The following NPR3 variants were observed in gnomAD, a reference collection of about 807,000 sequenced individuals.
NPR3 encodes natriuretic peptide receptor 3.
In NPR3, 34 loss-of-function variants were observed where a neutral mutation model predicts 54.5. That is an observed-to-expected ratio of 0.62 (90% CI 0.47 to 0.83). The LOEUF (loss-of-function observed/expected upper bound fraction) is 0.83, where lower values mean the gene tolerates loss of function less well. Among genes scored for constraint, NPR3 ranks in the 40% least tolerant of loss-of-function variants. The pLI is 0.00. For missense variants in NPR3, 674 were observed against 720.8 expected (o/e 0.94, Z 0.74); for synonymous variants, 289 against 297.1 (o/e 0.97, Z 0.28).
intron 1 of NPR3, among the ~76,000 whole-genome samples, chr5:32,719,762 T>A (rs1738747990): frequency 6.6e-6 from 1 of 151,192 alleles, no homozygotes; most frequent in Non-Finnish European, 1.5e-5. Context: ...TTTTCTTACC[T>A]TCTATTTACC....
chr5:32,711,844 G>A lies in NPR3; in HGVS notation c.68G>A (p.Gly23Asp). The A allele has an allele frequency of 6.8e-7, 1 of 1,461,888 alleles. No homozygotes were observed. Among genetic ancestry groups the A allele is most frequent in the Non-Finnish European group, 9.0e-7 (1 of 1,108,738 alleles). The allele number at this position is 1,461,888 out of a possible 1,614,324, so 90.6% of individuals were successfully genotyped here. ...CTCGGCTGGGCGTTGCTGGCCGGCG[G>A]CACCGGTGGCGGTGGCGTTGGCGGC... The part of the protein sequence containing the change: ...VLLGWALLAG[G>D]TGGGGVGGGG... Residue 23 changes from glycine (G) to aspartate (D), a missense_variant, in exon 1 of 8, where the codon GGC becomes GAC. Transcript: ENST00000265074.
chr5:32,775,059 T>A (rs1316631702), intron 4 of NPR3, among the ~76,000 whole-genome samples: 1 of 152,202 alleles, frequency 6.6e-6, no homozygotes, highest in African/African-American at 2.4e-5. Flanking sequence ...AGGCCTTGTC[T>A]CCTGATTATT....
chr5:32,714,343 C>T (rs1192232304), intron 1 of NPR3, among the ~76,000 whole-genome samples: 5 of 151,970 alleles, frequency 3.3e-5, no homozygotes, highest in Admixed American at 6.5e-5. Flanking sequence ...CGGGGCCCCT[C>T]GCCCTCACAG....
chr5:32,784,379 G>A (rs897740218), intron 6 of NPR3, among the ~76,000 whole-genome samples: 1 of 152,138 alleles, frequency 6.6e-6, no homozygotes, highest in African/African-American at 2.4e-5. Flanking sequence ...AGTAGAGATA[G>A]GGTTTCACCA....
At chr5:32,722,445 T>G (rs961687721) in intron 1 of NPR3, among the ~76,000 whole-genome samples, 15 of 152,226 alleles carry the variant, frequency 9.9e-5, no homozygotes, top group African/African-American at 3.4e-4. Flanking sequence ...TCATTGAATT[T>G]AAACAGTATG....
At chr5:32,748,479 T>C (rs1740415176) in intron 3 of NPR3, among the ~76,000 whole-genome samples, 1 of 152,200 alleles carries the variant, frequency 6.6e-6, no homozygotes, top group Non-Finnish European at 1.5e-5. Flanking sequence ...GAGGTAGTTT[T>C]CCTAAGACTC....
chr5:32,768,572 G>A (rs1031471064), intron 3 of NPR3, among the ~76,000 whole-genome samples: 2 of 152,098 alleles, frequency 1.3e-5, no homozygotes, highest in African/African-American at 4.8e-5. Flanking sequence ...TCTGGATTCC[G>A]TGTGCCAGCT....
intron 3 of NPR3, among the ~76,000 whole-genome samples, chr5:32,765,148 T>C (rs1054819400): frequency 3.9e-5 from 6 of 152,230 alleles, no homozygotes; most frequent in South Asian, 2.1e-4. Flanking sequence ...CTAATAGTTA[T>C]AGCGTGAGCA....
intron 3 of NPR3, among the ~76,000 whole-genome samples, chr5:32,772,531 A>G (rs1333043831): frequency 6.6e-6 from 1 of 152,236 alleles, no homozygotes; most frequent in Non-Finnish European, 1.5e-5. Context: ...GTGTTGTGGA[A>G]TAAAGAGAAC....
chr5:32,781,531 T>A (rs1414581044), intron 5 of NPR3, among the ~76,000 whole-genome samples: 2 of 152,222 alleles, frequency 1.3e-5, no homozygotes, highest in African/African-American at 4.8e-5. Context: ...GTTTTCCTCT[T>A]TGTATGTATC....
chr5:32,710,182 C>T, upstream of NPR3: 1 of 152,232 alleles, frequency 6.6e-6, no homozygotes, highest in Non-Finnish European at 1.5e-5. Context: ...GTCTCCACCG[C>T]TGCTGTGGCT....
At chr5:32,771,610 G>A (rs1741765303) in intron 3 of NPR3, among the ~76,000 whole-genome samples, 1 of 152,156 alleles carries the variant, frequency 6.6e-6, no homozygotes, top group African/African-American at 2.4e-5. Flanking sequence ...CAACATCAAC[G>A]TGGTGGTCCT....
intron 2 of NPR3, among the ~76,000 whole-genome samples, chr5:32,732,681 G>A (rs1739526077): frequency 1.3e-5 from 2 of 152,146 alleles, no homozygotes; most frequent in Admixed American, 6.5e-5. Flanking sequence ...TACATCAGTA[G>A]TAAAGGGCCT....
Position 32,780,757 on chromosome 5 carries a change from G to T in NPR3, c.1231G>T (p.Asp411Tyr). 6.2e-7 allele frequency: 1 copy of T among 1,601,768 alleles called. No homozygotes were observed. The highest frequency in any genetic ancestry group is 1.1e-5 in the South Asian group (1 of 90,818). Residue 411 changes from aspartate to tyrosine, a missense_variant, in exon 5 of 8, where the codon GAC (aspartate) becomes TAC (tyrosine). By Grantham distance (160) the Asp-to-Tyr change is radical. Coordinates refer to ENST00000265074, the MANE Select transcript of NPR3 (RefSeq NM_001204375.2). The stretch of plus-strand genomic sequence containing the variant: ...GCAGGTGTCCATAGATGCCAACGGA[G>T]ACCGATATGGGGATTTCTCTGTGAT... ...AGQVSIDANGDRYGDFSVIAM... is the reference protein window; with the variant it reads ...AGQVSIDANGYRYGDFSVIAM...
chr5:32,776,868 G>A (rs1448127822), intron 4 of NPR3, among the ~76,000 whole-genome samples: 2 of 152,110 alleles, frequency 1.3e-5, no homozygotes, highest in Admixed American at 6.5e-5. Context: ...AGGCAAGGAG[G>A]AGTAGGGCTG....
chr5:32,694,497 A>C (rs1175433542), intron 1 of NPR3, among the ~76,000 whole-genome samples: 1 of 152,024 alleles, frequency 6.6e-6, no homozygotes, highest in Non-Finnish European at 1.5e-5. Flanking sequence ...GCTTTTTCTC[A>C]ACCTTATTGC....
intron 1 of NPR3, among the ~76,000 whole-genome samples, chr5:32,696,915 A>G (rs947639502): frequency 6.6e-6 from 1 of 152,170 alleles, no homozygotes; most frequent in Non-Finnish European, 1.5e-5. Flanking sequence ...TTTTCCAAAT[A>G]TAAGATCATA....
chr5:32,733,821 T>G (rs1242643151), intron 2 of NPR3, among the ~76,000 whole-genome samples: 1 of 152,228 alleles, frequency 6.6e-6, no homozygotes, highest in East Asian at 1.9e-4. Flanking sequence ...TTTTTAACGT[T>G]TTTGTCAATC....
intron 2 of NPR3, among the ~76,000 whole-genome samples, chr5:32,734,014 A>G (rs1446395079): frequency 2.0e-5 from 3 of 152,168 alleles, no homozygotes; most frequent in African/African-American, 4.8e-5. Flanking sequence ...TAAAATAGGG[A>G]TTATACTTAA....
Sources: allele counts gnomAD v4.1 joint callset (sites outside exome capture counted in the v4.1 genomes callset), GRCh38; gene constraint gnomAD v4.1.1; transcripts MANE v1.5; gene names NCBI Gene and HGNC (gene_info 2026-07-23, HGNC 2026-07-21).